Variants in MB observed in about 807,000 individuals in gnomAD.
MB encodes myoglobin, also known as nitrite reductase MB.
A neutral mutation model predicts 14.5 loss-of-function variants in MB; 10 were observed. The ratio of observed to expected loss-of-function variants is 0.69; its 90% confidence interval spans 0.43 to 1.17. The LOEUF is 1.17. Ranked by LOEUF, MB falls within the 50% of genes most tolerant of loss-of-function variation. The probability of loss-of-function intolerance (pLI) is 0.00; values close to 1 mark genes in which losing one functional copy is unlikely to be tolerated. For synonymous variants in MB, 89 were observed against 78.6 expected, an observed-to-expected ratio of 1.13 and a Z score of -0.70; for missense variants, 169 against 192.7, an observed-to-expected ratio of 0.88 and a Z score of 0.73.
At chr22:35,611,830 C>T (rs904968029) in intron 1 of MB, among the ~76,000 whole-genome samples, 6 of 151,730 alleles carry the variant, frequency 4.0e-5, no homozygotes, top group African/African-American at 1.5e-4. Context: ...CCACCTCCAA[C>T]TTTAGACCTT....
upstream of MB, among the ~76,000 whole-genome samples, chr22:35,618,394 A>C (rs1409868828): frequency 6.6e-6 from 1 of 152,196 alleles, no homozygotes; most frequent in East Asian, 1.9e-4. Flanking sequence ...TGGTTTTGCA[A>C]AGAAAGAGAG....
chr22:35,617,052 T>C, intron 1 of MB, 111 bp downstream of exon 1: 1 of 803,014 alleles, frequency 1.2e-6, no homozygotes, highest in Non-Finnish European at 2.2e-6. Flanking sequence ...CTAACACCCT[T>C]AACTAATGCA....
intron 2 of MB, among the ~76,000 whole-genome samples, chr22:35,607,823 A>G (rs1429109488): frequency 6.6e-6 from 1 of 152,238 alleles, no homozygotes; most frequent in Non-Finnish European, 1.5e-5. Context: ...TGGGGGCAGC[A>G]GAAAAGAAGG....
intron 1 of MB, among the ~76,000 whole-genome samples, chr22:35,622,818 C>T (rs2145930312): frequency 6.6e-6 from 1 of 152,176 alleles, no homozygotes; most frequent in East Asian, 1.9e-4. Flanking sequence ...TCCACAGTCA[C>T]CTAACCCCAC....
rs1922209255 is a variant in MB, at chr22:35,607,268, A to G, written c.*29T>C. ...CCGCTCTCTCTTGAACCCGGGGCCC[A>G]GATGGGTGGGGGTGGGAGCGGCAGG... On this transcript the variant is annotated 3_prime_UTR_variant, in exon 3 of 3. Transcript: ENST00000397326. 1 of 1,599,482 alleles carries G rather than the reference A, an allele frequency of 6.3e-7. No individual in the cohort carries two copies. Among genetic ancestry groups the G allele is most frequent in the Non-Finnish European group, 8.5e-7 (1 of 1,170,402 alleles).
At position 35,606,908 on chromosome 22, in the gene MB, G is replaced by A. The variant is rs942569884; in HGVS notation, c.*389C>T. ...CCTCATTGCAAAGGGACATTCTGCT[G>A]TCTTCAAGGGGCCAGTGATTAATCA... On this transcript the variant is annotated 3_prime_UTR_variant, in exon 3 of 3. Transcript: ENST00000397326. 3 of 167,384 alleles carry A rather than the reference G, an allele frequency of 1.8e-5. No homozygotes were observed. Among genetic ancestry groups the A allele is most frequent in the Non-Finnish European group, 2.6e-5 (2 of 77,794 alleles). 10.4% of individuals were successfully genotyped at this position (167,384 alleles called of 1,614,324 possible). A position where few individuals can be genotyped will look rare whatever the true frequency, so the allele number is the denominator to read the frequency against.
At chr22:35,622,309 C>A (rs1455619613), upstream of MB, among the ~76,000 whole-genome samples, 1 of 151,964 alleles carries the variant, frequency 6.6e-6, no homozygotes, top group Non-Finnish European at 1.5e-5. Flanking sequence ...AGTCTACCCT[C>A]CTGGACCAGC....
chr22:35,607,913 T>C (rs1417023392), intron 2 of MB, among the ~76,000 whole-genome samples: 12 of 152,238 alleles, frequency 7.9e-5, no homozygotes, highest in Admixed American at 7.8e-4. Context: ...TTTGTGTGTA[T>C]GCAATTTTTG....
rs780956499 is a variant in MB, at chr22:35,617,323, G to T, written c.-66C>A. 3 of 1,324,960 alleles carry T rather than the reference G, an allele frequency of 2.3e-6. No homozygotes were observed. The highest frequency in any genetic ancestry group is 3.3e-6 in the Non-Finnish European group (3 of 920,838). The allele number at this position is 1,324,960 out of a possible 1,614,324, so 82.1% of individuals were successfully genotyped here. A position where few individuals can be genotyped will look rare whatever the true frequency, so the allele number is the denominator to read the frequency against. Reference sequence around the variant, plus strand: ...ACTGGGTGTCCTGGCCCCAACAGCTGGGGTTTGAGGCTGCCTGGTCCCAAG... The same window carrying T: ...ACTGGGTGTCCTGGCCCCAACAGCTTGGGTTTGAGGCTGCCTGGTCCCAAG... On this transcript the variant is annotated 5_prime_UTR_variant, in exon 1 of 3. Coordinates refer to ENST00000397326, the MANE Select transcript of MB (RefSeq NM_005368.3).
chr22:35,617,386 G>A (rs1923156800), upstream of MB: 4 of 643,420 alleles, frequency 6.2e-6, no homozygotes, highest in South Asian at 1.8e-5. Flanking sequence ...GACAAAGATC[G>A]CTCAATGGCT....
Position 35,611,020 on chromosome 22 carries a change from TC to T in MB, c.181del (p.Asp61ThrfsTer2). 1 of 1,614,172 alleles carries T rather than the reference TC, an allele frequency of 6.2e-7. No individual in the cohort carries two copies. The highest frequency in any genetic ancestry group is 8.5e-7 in the Non-Finnish European group (1 of 1,180,006). ...CACGGTGGCACCATGCTTCTTTAAGTCCTCAGACGCCTTCATCTCGTCCTCT... is the reference window on the plus strand; with the variant it reads ...CACGGTGGCACCATGCTTCTTTAAGTCTCAGACGCCTTCATCTCGTCCTCT... The part of the protein sequence containing the change: ...KSEDEMKASE[D>X]LKKHGATVLT... On this transcript the variant is annotated frameshift_variant, in exon 2 of 3. Transcript: ENST00000397326. LOFTEE classifies it high-confidence loss of function.
At chr22:35,607,549 T>C in intron 2 of MB, 106 bp from the exon 3 acceptor site, 1 of 1,093,942 alleles carries the variant, frequency 9.1e-7, no homozygotes. Context: ...GGACCGTGTA[T>C]TGAGCACTTG....
Position 35,606,984 on chromosome 22 carries a change from C to A in MB, c.*313G>T, listed in dbSNP as rs940660088. On this transcript the variant is annotated 3_prime_UTR_variant, in exon 3 of 3. Coordinates refer to ENST00000397326, the MANE Select transcript of MB (RefSeq NM_005368.3). Reference sequence around the variant, plus strand: ...TAATGGCTTGGATTTGGGGTTACAGCCAGTTTGGAGGTTGGAAGAAGTTCG... The same window carrying A: ...TAATGGCTTGGATTTGGGGTTACAGACAGTTTGGAGGTTGGAAGAAGTTCG... 1.6e-5 allele frequency: 4 copies of A among 252,884 alleles called. No individual in the cohort carries two copies. The highest frequency in any genetic ancestry group is 7.5e-5 in the East Asian group (1 of 13,386). 15.7% of individuals were successfully genotyped at this position (252,884 alleles called of 1,614,324 possible).
At chr22:35,621,103 TC>T (rs2145928352), upstream of MB, among the ~76,000 whole-genome samples, 1 of 152,276 alleles carries the variant, frequency 6.6e-6, no homozygotes, top group African/African-American at 2.4e-5. Context: ...GCTATTATTA[TC>T]CCTGTGACAG....
chr22:35,609,316 C>T (rs560834214), intron 2 of MB, among the ~76,000 whole-genome samples: 2 of 152,254 alleles, frequency 1.3e-5, no homozygotes, highest in East Asian at 1.9e-4. Context: ...CAGATGGAAC[C>T]GCTGAAAGCC....
At chr22:35,617,824 T>C (rs1231711534), upstream of MB, among the ~76,000 whole-genome samples, 1 of 152,202 alleles carries the variant, frequency 6.6e-6, no homozygotes, top group African/African-American at 2.4e-5. Context: ...AACCGGATGG[T>C]TTTGTGCTTA....
At chr22:35,607,750 C>G (rs890774454) in intron 2 of MB, among the ~76,000 whole-genome samples, 2 of 152,182 alleles carry the variant, frequency 1.3e-5, no homozygotes, top group Admixed American at 6.5e-5. Flanking sequence ...CTCACAGCCC[C>G]CTCCACTCCA....
upstream of MB, among the ~76,000 whole-genome samples, chr22:35,620,336 A>G (rs1321206304): frequency 6.6e-6 from 1 of 152,142 alleles, no homozygotes; most frequent in Non-Finnish European, 1.5e-5. Context: ...TCAAAAAGAA[A>G]AAAAGAAGCC....
upstream of MB, chr22:35,621,901 C>T (rs1281412453): frequency 6.6e-6 from 1 of 152,224 alleles, no homozygotes; most frequent in Non-Finnish European, 1.5e-5. Context: ...GGTCTCCAGC[C>T]ACTCTCACCT....
Sources: allele counts gnomAD v4.1 joint callset (sites outside exome capture counted in the v4.1 genomes callset), GRCh38; gene constraint gnomAD v4.1.1; transcripts MANE v1.5; gene names NCBI Gene and HGNC (gene_info 2026-07-23, HGNC 2026-07-21).